PLPP1: variants seen among roughly 807,000 people sequenced by gnomAD.
The protein encoded by PLPP1 is phospholipid phosphatase 1.
In PLPP1, 24 loss-of-function variants were observed where a neutral mutation model predicts 31.2. The observed-to-expected ratio is 0.77, with a 90% CI of 0.56 to 1.08. PLPP1 has a LOEUF of 1.08. PLPP1 is among the 50% of genes least tolerant of loss of function. The pLI is 0.00. For synonymous variants in PLPP1, 146 were observed against 126.3 expected (o/e 1.16, Z -1.05); for missense variants, 319 against 342.7 (o/e 0.93, Z 0.55).
chr5:55,503,014 T>C (rs1579969921), intron 1 of PLPP1, among the ~76,000 whole-genome samples: 1 of 152,252 alleles, frequency 6.6e-6, no homozygotes, highest in Non-Finnish European at 1.5e-5. Flanking sequence ...CAGCCTCAGG[T>C]CTTCCCTATT....
chr5:55,428,434 T>C (rs1751263137), intron 4 of PLPP1, among the ~76,000 whole-genome samples: 1 of 152,216 alleles, frequency 6.6e-6, no homozygotes, highest in Admixed American at 6.5e-5. Flanking sequence ...TGGGTAAACT[T>C]GAATTCCACA....
chr5:55,460,047 T>C (rs527922865), intron 3 of PLPP1, among the ~76,000 whole-genome samples: 2 of 152,356 alleles, frequency 1.3e-5, no homozygotes, highest in East Asian at 3.9e-4. Context: ...ATTAATGGAC[T>C]GTTTACGTTA....
At chr5:55,526,118 T>C (rs1561258453) in intron 1 of PLPP1, among the ~76,000 whole-genome samples, 1 of 152,094 alleles carries the variant, frequency 6.6e-6, no homozygotes, top group Non-Finnish European at 1.5e-5. Context: ...ATTTTAACCT[T>C]AAATTTCTTA....
At chr5:55,451,093 AT>A (rs1751882296) in intron 3 of PLPP1, among the ~76,000 whole-genome samples, 1 of 152,164 alleles carries the variant, frequency 6.6e-6, no homozygotes, top group African/African-American at 2.4e-5. Flanking sequence ...CCTGCAGATA[AT>A]GAAATCATCA....
chr5:55,514,286 G>A (rs545704633), intron 1 of PLPP1, among the ~76,000 whole-genome samples: 6 of 152,048 alleles, frequency 3.9e-5, no homozygotes. Flanking sequence ...TCAGGAGGCT[G>A]AGGTGGGAGG....
intron 1 of PLPP1, among the ~76,000 whole-genome samples, chr5:55,512,517 AAAG>A (rs561827039): frequency 0.011 from 60 of 5,248 alleles, no homozygotes; most frequent in Middle Eastern, 0.17. Flanking sequence ...AAAAGAAAAG[AAAG>A]AAAGAAAGAA....
At position 55,530,734 on chromosome 5, in the gene PLPP1, T is replaced by C. The variant is rs562819222; in HGVS notation, c.58+3838A>G. ...CACATTTCCACGACACAGGGGACAATGTGCTCCGCTTTCCCTCATTGCAGT... is the reference window on the plus strand; with the variant it reads ...CACATTTCCACGACACAGGGGACAACGTGCTCCGCTTTCCCTCATTGCAGT... On this transcript the variant is annotated intron_variant, in intron 1 of 5. Coordinates refer to ENST00000307259, the MANE Select transcript of PLPP1 (RefSeq NM_003711.4). 1.5e-4 allele frequency: 229 copies of C among 1,573,186 alleles called. 2 individuals are homozygous for C. In the African/African-American group the frequency reaches 2.8e-3, roughly 19 times the overall value.
chr5:55,527,712 G>A (rs1740516119), intron 1 of PLPP1, among the ~76,000 whole-genome samples: 1 of 152,174 alleles, frequency 6.6e-6, no homozygotes. Flanking sequence ...ATAACTCCAG[G>A]TTAGCAACGT....
chr5:55,530,357 A>T, intron 1 of PLPP1: 2 of 1,365,388 alleles, frequency 1.5e-6, no homozygotes, highest in Non-Finnish European at 2.1e-6. Flanking sequence ...GAAATAAGTG[A>T]TTACTGTTAG....
chr5:55,495,467 A>G (rs1752985426), intron 1 of PLPP1, among the ~76,000 whole-genome samples: 1 of 152,192 alleles, frequency 6.6e-6, no homozygotes. Context: ...GAAGTAGGAC[A>G]ATGTTGTGAT....
intron 3 of PLPP1, among the ~76,000 whole-genome samples, chr5:55,457,313 G>A (rs936297858): frequency 5.3e-5 from 8 of 152,120 alleles, no homozygotes; most frequent in Admixed American, 3.3e-4. Context: ...ATGGATGGCT[G>A]TAGAAATTTT....
At chr5:55,449,407 G>T (rs1237829207) in intron 3 of PLPP1, among the ~76,000 whole-genome samples, 3 of 152,140 alleles carry the variant, frequency 2.0e-5, no homozygotes, top group Non-Finnish European at 4.4e-5. Flanking sequence ...TGACATGCCT[G>T]CTACAGATTT....
At chr5:55,490,622 G>A (rs868591622) in intron 1 of PLPP1, among the ~76,000 whole-genome samples, 2 of 151,974 alleles carry the variant, frequency 1.3e-5, no homozygotes, top group Non-Finnish European at 2.9e-5. Flanking sequence ...CAGCTCTGCC[G>A]TACGATAGCT....
intron 1 of PLPP1, among the ~76,000 whole-genome samples, chr5:55,485,520 A>C (rs148073464): frequency 2.0e-5 from 3 of 152,128 alleles, no homozygotes; most frequent in Admixed American, 2.0e-4. Flanking sequence ...ATCCACACAC[A>C]TAACAGTTAA....
At chr5:55,449,356 T>C (rs1579930984) in intron 3 of PLPP1, among the ~76,000 whole-genome samples, 1 of 152,306 alleles carries the variant, frequency 6.6e-6, no homozygotes, top group East Asian at 1.9e-4. Flanking sequence ...AGGGATAATA[T>C]ATATGTGACA....
At chr5:55,447,653 TAGAC>T (rs1188294986) in intron 3 of PLPP1, among the ~76,000 whole-genome samples, 1 of 152,208 alleles carries the variant, frequency 6.6e-6, no homozygotes, top group Admixed American at 6.5e-5. Context: ...TTGTCAATGG[TAGAC>T]AGACAAAGAG....
intron 3 of PLPP1, among the ~76,000 whole-genome samples, chr5:55,449,031 AT>A (rs1751834665): frequency 6.6e-6 from 1 of 152,100 alleles, no homozygotes; most frequent in Non-Finnish European, 1.5e-5. Context: ...TACAGATGCA[AT>A]TTTTTTCACA....
chr5:55,454,779 G>T (rs1357838524), intron 3 of PLPP1, among the ~76,000 whole-genome samples: 1 of 146,112 alleles, frequency 6.8e-6, no homozygotes, highest in East Asian at 2.0e-4. Flanking sequence ...GATTTAAAAA[G>T]CTGTCTAGTT....
At chr5:55,432,101 T>C (rs1344120709) in intron 4 of PLPP1, among the ~76,000 whole-genome samples, 50 of 3,514 alleles carry the variant, frequency 0.014, no homozygotes, top group African/African-American at 0.025. Flanking sequence ...TTTTCTTCTT[T>C]TTTTTTTTTT....
Sources: gnomAD v4.1 joint callset for allele counts (sites outside exome capture counted in the v4.1 genomes callset) on GRCh38, gnomAD v4.1.1 for gene constraint, MANE v1.5 for transcripts, NCBI Gene and HGNC (gene_info 2026-07-23, HGNC 2026-07-21) for gene names.